The following SMTN variants were observed in gnomAD, a reference collection of about 807,000 sequenced individuals.
SMTN encodes smoothelin.
In SMTN, 58 loss-of-function variants were observed where a neutral mutation model predicts 102.0. That is an observed-to-expected ratio of 0.57 (90% CI 0.46 to 0.71). The LOEUF (loss-of-function observed/expected upper bound fraction) is 0.71, where lower values mean the gene tolerates loss of function less well. Among genes scored for constraint, SMTN ranks in the 30% least tolerant of loss-of-function variants. The pLI, the probability that SMTN is intolerant of heterozygous loss-of-function variation, is 0.00. For synonymous variants in SMTN, 478 were observed against 497.9 expected, an observed-to-expected ratio of 0.96 and a Z score of 0.53; for missense variants, 1,185 against 1,241.7, an observed-to-expected ratio of 0.95 and a Z score of 0.69.
chr22:31,089,513 G>A, intron 6 of SMTN, 186 bp from the exon 7 acceptor site: 1 of 612,820 alleles, frequency 1.6e-6, no homozygotes, highest in Non-Finnish European at 2.9e-6. Flanking sequence ...AGATTGGGAA[G>A]TGGGGATCAG....
chr22:31,103,727 C>G (rs1303959536), intron 20 of SMTN: 1 of 154,874 alleles, frequency 6.5e-6, no homozygotes, highest in Non-Finnish European at 1.4e-5. Flanking sequence ...GAGAACCCCT[C>G]TGCTGCCCAC....
At position 31,091,224 on chromosome 22, in the gene SMTN, G is replaced by A; in HGVS notation, c.1201G>A (p.Ala401Thr). 6.2e-7 allele frequency: 1 copy of A among 1,610,780 alleles called. No individual in the cohort carries two copies. Among genetic ancestry groups the A allele is most frequent in the Middle Eastern group, 1.6e-4 (1 of 6,062 alleles). Reference sequence around the variant, plus strand: ...GTTCAGCAAGGAGCAACGAGGAGTAGCCCAGCCCCTGGCCCAGCTTCGAAG... The same window carrying A: ...GTTCAGCAAGGAGCAACGAGGAGTAACCCAGCCCCTGGCCCAGCTTCGAAG... ...SRFSKEQRGVAQPLAQLRSCP... is the reference protein window; with the variant it reads ...SRFSKEQRGVTQPLAQLRSCP... Residue 401 changes from alanine to threonine, a missense_variant, in exon 10 of 21, where the codon GCC (alanine) becomes ACC (threonine). Around this residue, in one of 2 missense-constraint regions of SMTN, gnomAD observed 1,096 missense variants for 1,112.7 expected, o/e 0.98. Coordinates refer to ENST00000333137, the MANE Select transcript of SMTN (RefSeq NM_134269.3).
intron 6 of SMTN, 109 bp downstream of exon 6, chr22:31,089,078 C>G (rs2042922260): frequency 4.7e-6 from 4 of 859,494 alleles, no homozygotes; most frequent in Non-Finnish European, 7.3e-6. Flanking sequence ...GGGCCCACCC[C>G]TGCCATCCAG....
chr22:31,090,346 G>T (rs1204276940), intron 8 of SMTN, among the ~76,000 whole-genome samples, 166 bp downstream of exon 8: 1 of 125,042 alleles, frequency 8.0e-6, no homozygotes, highest in African/African-American at 3.1e-5. Context: ...CCCCCAGCTA[G>T]GCCAGCCTCC....
intron 6 of SMTN, 56 bp from the exon 7 acceptor site, chr22:31,089,642 TG>T (rs2042965316): frequency 2.0e-6 from 3 of 1,503,684 alleles, no homozygotes; most frequent in Non-Finnish European, 9.0e-7. Context: ...CCCTCAGTGG[TG>T]GGGGTGGCGT....
intron 14 of SMTN, 29 bp downstream of exon 14, chr22:31,096,926 G>T (rs1176745064): frequency 1.2e-6 from 2 of 1,611,202 alleles, no homozygotes; most frequent in African/African-American, 2.7e-5. Flanking sequence ...CCGGCCCAGG[G>T]CTCAGGGTGG....
At chr22:31,084,881 G>C (rs2042559169) in intron 2 of SMTN, 1 of 1,124,520 alleles carries the variant, frequency 8.9e-7, no homozygotes, top group South Asian at 2.1e-5. Flanking sequence ...CCCGCGCGCC[G>C]GCCCGGCCCC....
In SMTN at chr22:31,090,825, C is replaced by G; in HGVS notation, c.883C>G (p.Pro295Ala). 6.2e-7 allele frequency: 1 copy of G among 1,613,830 alleles called. No homozygotes were observed. Among genetic ancestry groups the G allele is most frequent in the Non-Finnish European group, 8.5e-7 (1 of 1,179,824 alleles). ...TKRADVAGPR[P>A]CQRSLSVLSP... ...CCTGCCAGACGTGGCTGGACCCCGA[C>G]CCTGCCAACGCTCCCTGTCGGTGCT... The change falls in exon 9 of 21, where the codon CCC becomes GCC. Residue 295 changes from proline to alanine, a missense_variant. Physicochemically the swap from Pro to Ala is conservative, Grantham distance 27 (BLOSUM62 -1). Transcript: ENST00000333137.
chr22:31,089,518 G>A (rs1432644991), intron 6 of SMTN, 181 bp from the exon 7 acceptor site: 2 of 617,912 alleles, frequency 3.2e-6, no homozygotes. Flanking sequence ...GGGAAGTGGG[G>A]ATCAGAGACT....
chr22:31,075,727 G>A (rs1473777155), intron 1 of SMTN, among the ~76,000 whole-genome samples: 2 of 151,920 alleles, frequency 1.3e-5, no homozygotes, highest in African/African-American at 4.8e-5. Flanking sequence ...GGGGTAGGGT[G>A]AGGAATAAGT....
intron 17 of SMTN, 38 bp from the exon 18 acceptor site, chr22:31,099,024 T>G: frequency 6.3e-7 from 1 of 1,586,948 alleles, no homozygotes; most frequent in East Asian, 2.2e-5. Context: ...GCATGCCCCT[T>G]ATAGTCGTGT....
Position 31,097,458 on chromosome 22 carries a change from C to T in SMTN, c.2159+120C>T, listed in dbSNP as rs759101954. ...GTGGCTCTTGCCTGTAATCCCAGCACTTTGGGAGGCCGAGGTGGGCGGATC... is the reference window on the plus strand; with the variant it reads ...GTGGCTCTTGCCTGTAATCCCAGCATTTTGGGAGGCCGAGGTGGGCGGATC... On this transcript the variant is annotated intron_variant, in intron 16 of 20. Coordinates refer to ENST00000333137, the MANE Select transcript of SMTN (RefSeq NM_134269.3). 8 of 908,044 alleles carry T rather than the reference C, an allele frequency of 8.8e-6. No individual in the cohort carries two copies. In the Admixed American group the frequency reaches 1.4e-4, roughly 16 times the overall value. 56.2% of individuals were successfully genotyped at this position (908,044 alleles called of 1,614,324 possible).
chr22:31,090,819 C>G lies in SMTN; in HGVS notation c.877C>G (p.Pro293Ala), dbSNP rs764325576. Reference sequence around the variant, plus strand: ...CCCCAACCTGCCAGACGTGGCTGGACCCCGACCCTGCCAACGCTCCCTGTC... The same window carrying G: ...CCCCAACCTGCCAGACGTGGCTGGAGCCCGACCCTGCCAACGCTCCCTGTC... ...SDTKRADVAG[P>A]RPCQRSLSVL... Residue 293 changes from proline to alanine, a missense_variant, in exon 9 of 21, where the codon CCC (proline) becomes GCC (alanine). Pro to Ala is a conservative substitution (Grantham distance 27). Coordinates refer to ENST00000333137, the MANE Select transcript of SMTN (RefSeq NM_134269.3). The G allele has an allele frequency of 6.2e-7, 1 of 1,613,682 alleles. No individual in the cohort carries two copies.
rs987754828 is a variant in SMTN at position 31,083,170 on chromosome 22, C to T, written c.-80-9C>T. On this transcript the variant is annotated splice_polypyrimidine_tract_variant and intron_variant, in intron 1 of 20. Coordinates refer to ENST00000333137, the MANE Select transcript of SMTN (RefSeq NM_134269.3). ...CCCAGCATGCCTGATTCATGTCTGT[C>T]CCCTGCAGAATTCTCTGAGCTGGTG... is the stretch of plus-strand genomic sequence containing the variant. 1.3e-6 allele frequency: 2 copies of T among 1,563,036 alleles called. No individual in the cohort carries two copies. Among genetic ancestry groups the T allele is most frequent in the African/African-American group, 2.7e-5 (2 of 74,468 alleles).
At chr22:31,074,712 G>T (rs1034529724) in intron 1 of SMTN, among the ~76,000 whole-genome samples, 2 of 152,052 alleles carry the variant, frequency 1.3e-5, no homozygotes, top group African/African-American at 4.8e-5. Context: ...CAAGAGAATC[G>T]CTTGAACCCA....
chr22:31,072,763 C>T (rs1205368671), intron 1 of SMTN, among the ~76,000 whole-genome samples: 2 of 151,912 alleles, frequency 1.3e-5, no homozygotes, highest in Non-Finnish European at 2.9e-5. Flanking sequence ...TGCCCAGCCT[C>T]TTTTTCTTTT....
At chr22:31,077,757 T>C (rs1453746664), upstream of SMTN, among the ~76,000 whole-genome samples, 1 of 152,230 alleles carries the variant, frequency 6.6e-6, no homozygotes, top group Non-Finnish European at 1.5e-5. Flanking sequence ...CTGAGGCCCC[T>C]TCTCCTCCTG....
intron 2 of SMTN, among the ~76,000 whole-genome samples, chr22:31,086,152 A>G (rs1602605027): frequency 6.6e-6 from 1 of 152,158 alleles, no homozygotes; most frequent in Non-Finnish European, 1.5e-5. Context: ...CGCCTCTGCT[A>G]TAAGGCCTCC....
At chr22:31,072,324 G>T (rs949283396) in intron 1 of SMTN, among the ~76,000 whole-genome samples, 21 of 152,130 alleles carry the variant, frequency 1.4e-4, no homozygotes, top group Non-Finnish European at 2.8e-4. Context: ...GTAAAGAATT[G>T]ACAGAGTTGG....
Sources: allele counts gnomAD v4.1 joint callset (sites outside exome capture counted in the v4.1 genomes callset), GRCh38; gene constraint gnomAD v4.1.1; regional missense constraint gnomAD v4.1.1; transcripts MANE v1.5; gene names NCBI Gene and HGNC (gene_info 2026-07-23, HGNC 2026-07-21).